RANBP2: variants seen among roughly 807,000 people sequenced by gnomAD.
The protein encoded by RANBP2 is RAN binding protein 2.
Under a neutral mutation model 303.6 loss-of-function variants are expected in RANBP2, and 57 were observed. That is an observed-to-expected ratio of 0.19 (90% CI 0.15 to 0.23). RANBP2 has a LOEUF of 0.23. RANBP2 is among the 10% of genes least tolerant of loss of function. The pLI, the probability that RANBP2 is intolerant of heterozygous loss-of-function variation, is 1.00. For missense variants in RANBP2, 3,138 were observed against 3,780.8 expected (o/e 0.83, Z 4.46); for synonymous variants, 1,167 against 1,301.5 (o/e 0.90, Z 2.23).
At chr2:109,268,254 C>T in the RANBP2 span, among the ~76,000 whole-genome samples, 1 of 151,702 alleles carries the variant, frequency 6.6e-6, no homozygotes, top group Admixed American at 6.6e-5. Flanking sequence ...TGAGCCCTGC[C>T]TGCTGAAGTG....
At chr2:108,793,976 T>C in the RANBP2 span, among the ~76,000 whole-genome samples, 2 of 152,124 alleles carry the variant, frequency 1.3e-5, no homozygotes, top group Non-Finnish European at 2.9e-5. Flanking sequence ...CCAAATCAGC[T>C]CAAATTTCCA....
At chr2:109,148,194 C>G in the RANBP2 span, among the ~76,000 whole-genome samples, 1 of 152,232 alleles carries the variant, frequency 6.6e-6, no homozygotes, top group Non-Finnish European at 1.5e-5. Flanking sequence ...GCTCTCCCAC[C>G]TGCCTGCTCT....
the RANBP2 span, among the ~76,000 whole-genome samples, chr2:108,834,349 A>T: frequency 6.6e-6 from 1 of 151,624 alleles, no homozygotes; most frequent in African/African-American, 2.4e-5. Context: ...AGTAGCTGGG[A>T]TTGCAGGTGC....
At chr2:108,851,924 G>T in the RANBP2 span, among the ~76,000 whole-genome samples, 1 of 152,174 alleles carries the variant, frequency 6.6e-6, no homozygotes, top group East Asian at 1.9e-4. Context: ...TACAAAGGTA[G>T]ATAATTGTGC....
the RANBP2 span, among the ~76,000 whole-genome samples, chr2:109,195,181 C>T: frequency 6.8e-6 from 1 of 146,432 alleles, no homozygotes; most frequent in Non-Finnish European, 1.5e-5. Context: ...AAGTAATAAG[C>T]TCATTGGAGA....
chr2:109,434,181 C>T, the RANBP2 span, among the ~76,000 whole-genome samples: 3 of 152,230 alleles, frequency 2.0e-5, no homozygotes, highest in Admixed American at 6.5e-5. Flanking sequence ...GACCAGCTGG[C>T]ACCCTCCAGG....
chr2:109,494,890 G>C, the RANBP2 span, among the ~76,000 whole-genome samples: 3 of 152,172 alleles, frequency 2.0e-5, no homozygotes, highest in African/African-American at 7.2e-5. Context: ...TCAGAGGAAG[G>C]ACATTCAAGT....
At chr2:109,156,449 G>GTT in the RANBP2 span, among the ~76,000 whole-genome samples, 108 of 145,276 alleles carry the variant, frequency 7.4e-4, no homozygotes, top group African/African-American at 2.5e-3. Flanking sequence ...GAATTTTAAG[G>GTT]TTTTTTTTTT....
At chr2:109,383,905 G>A in the RANBP2 span, among the ~76,000 whole-genome samples, 4 of 152,064 alleles carry the variant, frequency 2.6e-5, no homozygotes, top group Admixed American at 6.5e-5. Context: ...CTACCACCCC[G>A]CTGAGTCTCC....
At chr2:109,417,469 C>T in the RANBP2 span, among the ~76,000 whole-genome samples, 1 of 152,212 alleles carries the variant, frequency 6.6e-6, no homozygotes, top group Non-Finnish European at 1.5e-5. Context: ...CCTTCCAGCC[C>T]TGTTCTCACA....
the RANBP2 span, among the ~76,000 whole-genome samples, chr2:109,381,522 G>A: frequency 2.0e-5 from 3 of 152,024 alleles, no homozygotes; most frequent in African/African-American, 4.8e-5. Context: ...TCCCTTCAGC[G>A]TGGCCATCAC....
chr2:109,660,370 A>T, the RANBP2 span, among the ~76,000 whole-genome samples: 1 of 152,218 alleles, frequency 6.6e-6, no homozygotes, highest in Non-Finnish European at 1.5e-5. Context: ...CTCTGTAACC[A>T]GTTCTCTTGA....
chr2:108,719,863 G>A (rs1456334621), intron 1 of RANBP2, among the ~76,000 whole-genome samples, 185 bp downstream of exon 1: 1 of 152,186 alleles, frequency 6.6e-6, no homozygotes, highest in Non-Finnish European at 1.5e-5. Flanking sequence ...GGGGGACAGC[G>A]GTGGGCGGGA....
chr2:109,643,282 C>T, the RANBP2 span, among the ~76,000 whole-genome samples: 1 of 152,000 alleles, frequency 6.6e-6, no homozygotes, highest in Non-Finnish European at 1.5e-5. Flanking sequence ...AACTCCAGTT[C>T]AAATTGTCAG....
chr2:108,830,184 T>G, the RANBP2 span, among the ~76,000 whole-genome samples: 2 of 152,176 alleles, frequency 1.3e-5, no homozygotes, highest in African/African-American at 4.8e-5. Context: ...TGATTCTGCT[T>G]CCGTGCATGC....
chr2:108,992,201 T>C, the RANBP2 span, among the ~76,000 whole-genome samples: 1 of 152,226 alleles, frequency 6.6e-6, no homozygotes, highest in Non-Finnish European at 1.5e-5. Flanking sequence ...TGCCATCATG[T>C]TCATGTGTTT....
At chr2:109,128,286 A>C in the RANBP2 span, 1 of 152,112 alleles carries the variant, frequency 6.6e-6, no homozygotes, top group Non-Finnish European at 1.5e-5. Flanking sequence ...CGGGAAGGAG[A>C]GCGCGAATTC....
At chr2:108,914,471 C>G in the RANBP2 span, among the ~76,000 whole-genome samples, 2 of 152,066 alleles carry the variant, frequency 1.3e-5, no homozygotes, top group African/African-American at 4.8e-5. Context: ...AGCTATGCTT[C>G]CCACAACTCC....
At chr2:109,009,291 G>A in the RANBP2 span, among the ~76,000 whole-genome samples, 1 of 152,062 alleles carries the variant, frequency 6.6e-6, no homozygotes, top group East Asian at 1.9e-4. Context: ...AGTGAGCCGA[G>A]ATGGTGCCAC....
Sources: allele counts gnomAD v4.1 joint callset (sites outside exome capture counted in the v4.1 genomes callset), GRCh38; gene constraint gnomAD v4.1.1; transcripts MANE v1.5; gene names NCBI Gene and HGNC (gene_info 2026-07-23, HGNC 2026-07-21).